The following PPP2R2B variants were observed in gnomAD, a reference collection of about 807,000 sequenced individuals.
PPP2R2B encodes protein phosphatase 2 regulatory subunit Bbeta.
A neutral mutation model predicts 46.0 loss-of-function variants in PPP2R2B; 5 were observed. The observed-to-expected ratio is 0.11, with a 90% confidence interval of 0.06 to 0.23. The LOEUF (loss-of-function observed/expected upper bound fraction) is 0.23, where lower values mean the gene tolerates loss of function less well. PPP2R2B is among the 10% of genes least tolerant of loss of function. The pLI, the probability that PPP2R2B is intolerant of heterozygous loss-of-function variation, is 1.00. For synonymous variants in PPP2R2B, 215 were observed against 206.7 expected (o/e 1.04, Z -0.34); for missense variants, 367 against 575.0 (o/e 0.64, Z 3.70).
chr5:146,603,274 A>G (rs1771951771), intron 7 of PPP2R2B, among the ~76,000 whole-genome samples: 1 of 152,220 alleles, frequency 6.6e-6, no homozygotes. Flanking sequence ...GAACCTGCGG[A>G]CTATTTGAAA....
intron 2 of PPP2R2B, among the ~76,000 whole-genome samples, chr5:146,702,197 G>A (rs531872406): frequency 6.6e-6 from 1 of 152,144 alleles, no homozygotes; most frequent in East Asian, 1.9e-4. Flanking sequence ...GAGTAATTCT[G>A]ATCTCAAATC....
At chr5:146,863,018 A>G (rs1453979797) in intron 2 of PPP2R2B, among the ~76,000 whole-genome samples, 2 of 151,824 alleles carry the variant, frequency 1.3e-5, no homozygotes, top group African/African-American at 4.8e-5. Flanking sequence ...CAATACGATA[A>G]TCAGACTGCT....
At position 147,081,350 on chromosome 5, in the gene PPP2R2B, C is replaced by T. The variant is rs1040759889; in HGVS notation, c.-122G>A. 5 of 1,507,984 alleles carry T rather than the reference C, an allele frequency of 3.3e-6. No homozygotes were observed. The African/African-American group carries it at 5.5e-5, about 17-fold the overall frequency. 93.4% of individuals were successfully genotyped at this position (1,507,984 alleles called of 1,614,324 possible). A position where few individuals can be genotyped will look rare whatever the true frequency, so the allele number is the denominator to read the frequency against. On this transcript the variant is annotated 5_prime_UTR_variant, in exon 1 of 11. Coordinates refer to the PPP2R2B transcript ENST00000394413. ...GTCCTGCTGTGAATCACTGCTCTGT[C>T]TCCTCCGTTTGACCAGGCCAGGACC...
chr5:146,844,343 T>G (rs547207897), intron 2 of PPP2R2B, among the ~76,000 whole-genome samples: 51 of 138,420 alleles, frequency 3.7e-4, no homozygotes, highest in Non-Finnish European at 6.9e-4. Context: ...CCCTAAAACT[T>G]AGAGTATAAT....
chr5:146,678,358 ACT>A (rs1777891936), intron 5 of PPP2R2B, among the ~76,000 whole-genome samples: 1 of 145,542 alleles, frequency 6.9e-6, no homozygotes, highest in Admixed American at 6.7e-5. Context: ...CATGCTAAAA[ACT>A]CTCAATAAAT....
chr5:146,744,311 C>A (rs1413277921), intron 2 of PPP2R2B, among the ~76,000 whole-genome samples: 2 of 152,158 alleles, frequency 1.3e-5, no homozygotes, highest in Non-Finnish European at 2.9e-5. Flanking sequence ...AGAGCAGATA[C>A]AGATATGTCT....
intron 1 of PPP2R2B, among the ~76,000 whole-genome samples, chr5:146,934,046 G>T (rs2151824107): frequency 6.6e-6 from 1 of 152,232 alleles, no homozygotes; most frequent in Non-Finnish European, 1.5e-5. Context: ...ATTCCATGGT[G>T]TATATGTGCC....
intron 7 of PPP2R2B, 72 bp from the exon 8 acceptor site, chr5:146,600,532 T>C (rs1771681591): frequency 2.0e-6 from 3 of 1,479,222 alleles, no homozygotes; most frequent in Non-Finnish European, 2.8e-6. Context: ...TTGGACTGGC[T>C]AGGAAGCTGA....
At chr5:146,819,236 C>T (rs1758112391) in intron 2 of PPP2R2B, among the ~76,000 whole-genome samples, 1 of 152,190 alleles carries the variant, frequency 6.6e-6, no homozygotes, top group East Asian at 1.9e-4. Flanking sequence ...CCTGCATCTT[C>T]TGTGTTGTGA....
chr5:147,078,803 G>A (rs1458382991), intron 2 of PPP2R2B, among the ~76,000 whole-genome samples: 21 of 98,098 alleles, frequency 2.1e-4, no homozygotes, highest in Non-Finnish European at 3.4e-4. Context: ...GCGAGACTCC[G>A]TCTCAAAAAA....
intron 1 of PPP2R2B, among the ~76,000 whole-genome samples, chr5:146,962,536 A>G (rs931025636): frequency 1.3e-5 from 2 of 152,046 alleles, no homozygotes; most frequent in African/African-American, 4.8e-5. Context: ...ACACACCTGT[A>G]ATCCTAGCTA....
intron 2 of PPP2R2B, among the ~76,000 whole-genome samples, chr5:146,837,987 C>T (rs1051650662): frequency 1.3e-5 from 2 of 152,152 alleles, no homozygotes; most frequent in South Asian, 4.1e-4. Flanking sequence ...AGTGTCTCTT[C>T]TCATACTATT....
intron 2 of PPP2R2B, among the ~76,000 whole-genome samples, chr5:147,079,283 C>A (rs1297151973): frequency 6.6e-6 from 1 of 150,414 alleles, no homozygotes; most frequent in Admixed American, 6.6e-5. Context: ...ATGTTTATTG[C>A]AGCTCTAGTC....
At chr5:146,950,778 A>G (rs1434799279) in intron 1 of PPP2R2B, among the ~76,000 whole-genome samples, 2 of 152,084 alleles carry the variant, frequency 1.3e-5, no homozygotes, top group Non-Finnish European at 1.5e-5. Context: ...GACTAAAGTC[A>G]TGGTATAATT....
In PPP2R2B at chr5:146,937,470, G is replaced by T. The variant is rs116625316; in HGVS notation, c.79+118195C>A. Among the ~76,000 whole-genome samples the T allele has an allele frequency of 2.5e-3, 374 of 152,238 alleles. 3 individuals carry two copies. The highest frequency in any genetic ancestry group is 8.8e-3 in the African/African-American group (364 of 41,550). On this transcript the variant is annotated intron_variant, in intron 1 of 8. Coordinates refer to the PPP2R2B transcript ENST00000336640. The stretch of plus-strand genomic sequence containing the variant: ...TTACTTTGATATGTGTTATTAAGGG[G>T]TTACTTAAATACTAAGTACTGTGGA...
intron 6 of PPP2R2B, among the ~76,000 whole-genome samples, chr5:146,644,305 T>C (rs1775433938): frequency 1.4e-5 from 1 of 73,390 alleles, no homozygotes; most frequent in African/African-American, 3.2e-5. Context: ...TTTTAAATTG[T>C]TTTTGGCTTT....
At chr5:146,620,279 A>G (rs1353854507) in intron 7 of PPP2R2B, among the ~76,000 whole-genome samples, 2 of 152,238 alleles carry the variant, frequency 1.3e-5, no homozygotes, top group South Asian at 2.1e-4. Flanking sequence ...TAATATGTAC[A>G]GACAAGTTCA....
At chr5:146,694,126 C>T (rs1308936488) in intron 4 of PPP2R2B, among the ~76,000 whole-genome samples, 2 of 152,168 alleles carry the variant, frequency 1.3e-5, no homozygotes, top group South Asian at 2.1e-4. Flanking sequence ...TCTTAATGAA[C>T]CACATTGTGA....
intron 2 of PPP2R2B, among the ~76,000 whole-genome samples, chr5:146,770,871 C>T (rs1001251935): frequency 1.3e-5 from 2 of 152,110 alleles, no homozygotes; most frequent in East Asian, 3.8e-4. Flanking sequence ...TGCAGCTCTC[C>T]ACCAAATTTA....
Sources: gnomAD v4.1 joint callset for allele counts (sites outside exome capture counted in the v4.1 genomes callset) on GRCh38, gnomAD v4.1.1 for gene constraint, MANE v1.5 for transcripts, NCBI Gene and HGNC (gene_info 2026-07-23, HGNC 2026-07-21) for gene names.